The following CPNE9 variants were observed in gnomAD, a reference collection of about 807,000 sequenced individuals.
CPNE9 encodes the protein copine-9.
A neutral mutation model predicts 83.0 loss-of-function variants in CPNE9; 59 were observed. The observed-to-expected ratio is 0.71, with a 90% CI of 0.58 to 0.88. The LOEUF (loss-of-function observed/expected upper bound fraction) is 0.88, where lower values mean the gene tolerates loss of function less well. Ranked by LOEUF, CPNE9 falls within the 40% of genes least tolerant of loss-of-function variation. The probability of loss-of-function intolerance (pLI) is 0.00; values close to 1 mark genes in which losing one functional copy is unlikely to be tolerated. For synonymous variants in CPNE9, 256 were observed against 273.4 expected, an observed-to-expected ratio of 0.94 and a Z score of 0.63; for missense variants, 619 against 720.8, an observed-to-expected ratio of 0.86 and a Z score of 1.62.
chr3:9,717,853 T>C (rs536895989), intron 15 of CPNE9, among the ~76,000 whole-genome samples, 176 bp from the exon 16 acceptor site: 26 of 151,850 alleles, frequency 1.7e-4, no homozygotes, highest in African/African-American at 6.0e-4. Flanking sequence ...GATATAGGGA[T>C]GGGTGGGTGG....
chr3:9,719,319 C>T (rs1450772932), intron 17 of CPNE9, among the ~76,000 whole-genome samples: 2 of 152,054 alleles, frequency 1.3e-5, no homozygotes, highest in Non-Finnish European at 2.9e-5. Flanking sequence ...CCTTATTATG[C>T]GGCACAAAGG....
chr3:9,722,161 C>CG (rs1553691402), intron 17 of CPNE9, among the ~76,000 whole-genome samples: 6 of 86,308 alleles, frequency 7.0e-5, no homozygotes, highest in African/African-American at 3.6e-4. Context: ...AGGTGATCCA[C>CG]CCCCCCCCGC....
rs183096793 is a variant in CPNE9 at position 9,705,040 on chromosome 3, A to T, written c.260+46A>T. Reference sequence around the variant, plus strand: ...CTGGCTTGGCCCGCCCCCGACCTGGATCCGCCCGGAATTCTGGCTGGCCCC... The same window carrying T: ...CTGGCTTGGCCCGCCCCCGACCTGGTTCCGCCCGGAATTCTGGCTGGCCCC... On this transcript the variant is annotated intron_variant, in intron 4 of 20. Transcript: ENST00000383832. The T allele has an allele frequency of 2.7e-4, 376 of 1,407,512 alleles. No homozygotes were observed. In the African/African-American group the frequency reaches 4.7e-3, roughly 18 times the overall value. 87.2% of individuals were successfully genotyped at this position (1,407,512 alleles called of 1,614,324 possible). A position where few individuals can be genotyped will look rare whatever the true frequency, so the allele number is the denominator to read the frequency against.
At chr3:9,716,822 G>A (rs2076688092) in intron 14 of CPNE9, among the ~76,000 whole-genome samples, 1 of 152,158 alleles carries the variant, frequency 6.6e-6, no homozygotes, top group African/African-American at 2.4e-5. Context: ...TAAATTAAAT[G>A]ACATATAATA....
chr3:9,726,183 C>G, intron 18 of CPNE9, 132 bp downstream of exon 18: 1 of 573,040 alleles, frequency 1.7e-6, no homozygotes, highest in Non-Finnish European at 3.1e-6. Context: ...ACACAAGACT[C>G]TTGGATTAGA....
intron 9 of CPNE9, 48 bp downstream of exon 9, chr3:9,712,876 T>G (rs1008340188): frequency 3.8e-6 from 6 of 1,582,502 alleles, no homozygotes; most frequent in Non-Finnish European, 5.2e-6. Flanking sequence ...GCCATGTGCT[T>G]AACAAGTGGG....
intron 17 of CPNE9, among the ~76,000 whole-genome samples, chr3:9,725,594 A>G (rs1278832810): frequency 1.3e-5 from 2 of 149,526 alleles, no homozygotes; most frequent in Non-Finnish European, 3.0e-5. Flanking sequence ...GTGTATATAT[A>G]TGTGTATATG....
chr3:9,728,650 A>G (rs888893801), intron 20 of CPNE9, among the ~76,000 whole-genome samples: 3 of 152,180 alleles, frequency 2.0e-5, no homozygotes, highest in African/African-American at 7.2e-5. Flanking sequence ...ATAAATAAAA[A>G]TAAAACATAA....
At chr3:9,717,268 G>A (rs1358096802) in intron 15 of CPNE9, among the ~76,000 whole-genome samples, 164 bp downstream of exon 15, 1 of 152,188 alleles carries the variant, frequency 6.6e-6, no homozygotes, top group Non-Finnish European at 1.5e-5. Flanking sequence ...AAATAGATGG[G>A]TAGATGGATC....
chr3:9,721,907 C>A (rs991601399), intron 17 of CPNE9, among the ~76,000 whole-genome samples: 1 of 151,664 alleles, frequency 6.6e-6, no homozygotes, highest in African/African-American at 2.4e-5. Context: ...AACATAGGAA[C>A]TGTTTTTTGT....
At chr3:9,718,410 G>A in intron 16 of CPNE9, 65 bp from the exon 17 acceptor site, 1 of 1,564,612 alleles carries the variant, frequency 6.4e-7, no homozygotes, top group Non-Finnish European at 8.7e-7. Context: ...GGAGTGAGCT[G>A]GAATCAGAGC....
Position 9,703,988 on chromosome 3 carries a change from CG to C in CPNE9, c.-8del. On this transcript the variant is annotated 5_prime_UTR_variant, in exon 1 of 21. Coordinates refer to ENST00000383832, the MANE Select transcript of CPNE9 (RefSeq NM_153635.3). ...GCAGCCTCCTGCGGCTCTGGTCGCC[CG>C]ACCAGCCATGTCTCTCGGCGGAGCC... The C allele has an allele frequency of 1.2e-6, 2 of 1,600,386 alleles. No individual in the cohort carries two copies. The highest frequency in any genetic ancestry group is 1.7e-6 in the Non-Finnish European group (2 of 1,176,428).
chr3:9,714,333 T>A (rs1205288197), intron 10 of CPNE9, among the ~76,000 whole-genome samples: 2 of 152,024 alleles, frequency 1.3e-5, no homozygotes, highest in Non-Finnish European at 2.9e-5. Context: ...GGTAAATAGG[T>A]AGCTAGATGG....
chr3:9,714,673 CCAAA>C lies in CPNE9; in HGVS notation c.651-232_651-229del, dbSNP rs1349427621. 1.3e-4 allele frequency among the ~76,000 whole-genome samples: 14 copies of C among 110,508 alleles called. 1 individual carries two copies. Among genetic ancestry groups the C allele is most frequent in the Admixed American group, 3.5e-4 (4 of 11,594 alleles). The allele number at this position is 110,508 out of a possible 152,430, so 72.5% of individuals were successfully genotyped here. A position where few individuals can be genotyped will look rare whatever the true frequency, so the allele number is the denominator to read the frequency against. ...AAAAAAAAAAAAAAAAAAAAACCAA[CCAAA>C]CAAACAAAAAAAGTATTAGTGGTAC... On this transcript the variant is annotated intron_variant, in intron 10 of 20. Transcript: ENST00000383832.
At chr3:9,707,352 CAA>C (rs779965477) in intron 7 of CPNE9, among the ~76,000 whole-genome samples, 2 of 50,990 alleles carry the variant, frequency 3.9e-5, no homozygotes, top group East Asian at 6.7e-4. Context: ...GATTCTGTCT[CAA>C]AAAAAAAAAA....
chr3:9,710,692 C>T (rs548230493), intron 7 of CPNE9, among the ~76,000 whole-genome samples: 2 of 152,268 alleles, frequency 1.3e-5, no homozygotes, highest in South Asian at 4.1e-4. Flanking sequence ...CAGAGTGAGG[C>T]TTAACTAGAG....
chr3:9,725,174 C>A (rs890787378), intron 17 of CPNE9, among the ~76,000 whole-genome samples: 3 of 152,106 alleles, frequency 2.0e-5, no homozygotes, highest in Non-Finnish European at 2.9e-5. Flanking sequence ...CTCCAGAGGG[C>A]TGGGATGGAT....
In CPNE9 at chr3:9,725,636, ACATG is replaced by A. The variant is rs368454624; in HGVS notation, c.1242-312_1242-309del. Among the ~76,000 whole-genome samples the A allele has an allele frequency of 2.5e-4, 10 of 39,742 alleles. No homozygotes were observed. The African/African-American group carries it at 3.3e-3, about 13-fold the overall frequency. 26.1% of individuals were successfully genotyped at this position (39,742 alleles called of 152,430 possible). Reference sequence around the variant, plus strand: ...TATACATGTGTATATATATGTATATACATGTATGTGTATATATGTGTATATATGT... The same window carrying A: ...TATACATGTGTATATATATGTATATATATGTGTATATATGTGTATATATGT... On this transcript the variant is annotated intron_variant, in intron 17 of 20. Coordinates refer to ENST00000383832, the MANE Select transcript of CPNE9 (RefSeq NM_153635.3).
At chr3:9,722,489 A>G (rs1421595376) in intron 17 of CPNE9, among the ~76,000 whole-genome samples, 1 of 151,610 alleles carries the variant, frequency 6.6e-6, no homozygotes, top group African/African-American at 2.4e-5. Flanking sequence ...AAACCCTTCC[A>G]TGATGCCCAT....
Sources: gnomAD v4.1 joint callset for allele counts (sites outside exome capture counted in the v4.1 genomes callset) on GRCh38, gnomAD v4.1.1 for gene constraint, MANE v1.5 for transcripts, NCBI Gene and HGNC (gene_info 2026-07-23, HGNC 2026-07-21) for gene names.